Variants in HERC4 observed in about 807,000 individuals in gnomAD.
The protein encoded by HERC4 is probable E3 ubiquitin-protein ligase HERC4.
Under a neutral mutation model 124.3 loss-of-function variants are expected in HERC4, and 28 were observed. The ratio of observed to expected loss-of-function variants is 0.23; its 90% confidence interval spans 0.17 to 0.31. The LOEUF is 0.31. Ranked by LOEUF, HERC4 falls within the 10% of genes least tolerant of loss-of-function variation. The pLI is 1.00. For missense variants in HERC4, 713 were observed against 1,229.3 expected, an observed-to-expected ratio of 0.58 and a Z score of 6.28; for synonymous variants, 407 against 421.5, an observed-to-expected ratio of 0.97 and a Z score of 0.42.
intron 16 of HERC4, 154 bp downstream of exon 16, chr10:67,966,529 T>C (rs952274104): frequency 3.2e-6 from 2 of 619,480 alleles, no homozygotes; most frequent in African/African-American, 3.8e-5. Context: ...TTGTAAAATA[T>C]ATAGCACTCC....
rs766514516 is a variant in HERC4, at chr10:68,049,590, C to CAAAAAAAAAAAA, written c.227-5039_227-5028dup. Among the ~76,000 whole-genome samples, 5 of 42,610 alleles carry CAAAAAAAAAAAA rather than the reference C, an allele frequency of 1.2e-4. 1 individual carries two copies. The highest frequency in any genetic ancestry group is 3.5e-4 in the African/African-American group (3 of 8,524). 28.0% of individuals were successfully genotyped at this position (42,610 alleles called of 152,430 possible). A position where few individuals can be genotyped will look rare whatever the true frequency, so the allele number is the denominator to read the frequency against. The stretch of plus-strand genomic sequence containing the variant: ...TGGGTGACAGAGTGAGACACTGCCA[C>CAAAAAAAAAAAA]AAAAAAAAAAAAAAAAAAAAAAACA... On this transcript the variant is annotated intron_variant, in intron 3 of 24. Transcript: ENST00000373700.
chr10:67,956,987 A>C lies in HERC4; in HGVS notation c.1927-11T>G, dbSNP rs910115028. ...AGGGATATCTGCCAACTGGAAATAA[A>C]AAATTAACTTATTAGTACAAGTTGA... On this transcript the variant is annotated splice_polypyrimidine_tract_variant and intron_variant, in intron 16 of 24. Transcript: ENST00000373700. The C allele has an allele frequency of 6.7e-7, 1 of 1,494,854 alleles. No individual in the cohort carries two copies. Among genetic ancestry groups the C allele is most frequent in the African/African-American group, 1.4e-5 (1 of 71,120 alleles). The allele number at this position is 1,494,854 out of a possible 1,614,324, so 92.6% of individuals were successfully genotyped here. A position where few individuals can be genotyped will look rare whatever the true frequency, so the allele number is the denominator to read the frequency against.
At chr10:67,926,428 AAAAC>A (rs1564908902) in intron 23 of HERC4, among the ~76,000 whole-genome samples, 5 of 149,412 alleles carry the variant, frequency 3.3e-5, no homozygotes, top group African/African-American at 1.2e-4. Flanking sequence ...AAAAAAAAAA[AAAAC>A]AAAAAAATTA....
intron 19 of HERC4, among the ~76,000 whole-genome samples, chr10:67,952,117 C>T (rs1211720616): frequency 4.6e-5 from 7 of 152,126 alleles, no homozygotes; most frequent in African/African-American, 1.7e-4. Flanking sequence ...AATACAATTC[C>T]ACCGTCACAA....
intron 3 of HERC4, among the ~76,000 whole-genome samples, chr10:68,050,674 T>C (rs1040499747): frequency 6.6e-6 from 1 of 152,192 alleles, no homozygotes; most frequent in African/African-American, 2.4e-5. Context: ...TTTAAAAAGT[T>C]ATCTATTTTT....
intron 15 of HERC4, among the ~76,000 whole-genome samples, chr10:67,982,925 C>T (rs1275079574): frequency 1.3e-5 from 2 of 151,842 alleles, no homozygotes; most frequent in Non-Finnish European, 2.9e-5. Flanking sequence ...CTCAGGAGTT[C>T]AAGACCAGCC....
intron 16 of HERC4, among the ~76,000 whole-genome samples, chr10:67,957,323 A>C (rs2034204361): frequency 1.3e-5 from 2 of 152,224 alleles, no homozygotes. Context: ...CAATTCTTAC[A>C]TGTTAGGGCA....
intron 15 of HERC4, among the ~76,000 whole-genome samples, chr10:67,978,359 AGG>A (rs2035723676): frequency 6.6e-6 from 1 of 152,252 alleles, no homozygotes; most frequent in Non-Finnish European, 1.5e-5. Flanking sequence ...ACAGTGGCCA[AGG>A]GGAGGTCTGG....
chr10:67,957,321 A>T (rs1357972523), intron 16 of HERC4, among the ~76,000 whole-genome samples: 7 of 152,212 alleles, frequency 4.6e-5, no homozygotes, highest in Non-Finnish European at 4.4e-5. Flanking sequence ...GCCAATTCTT[A>T]CATGTTAGGG....
intron 9 of HERC4, among the ~76,000 whole-genome samples, chr10:68,007,056 A>G (rs772535133): frequency 1.3e-5 from 2 of 152,028 alleles, no homozygotes; most frequent in African/African-American, 2.4e-5. Context: ...TCTTTAAATA[A>G]ACTTTCTATC....
intron 6 of HERC4, among the ~76,000 whole-genome samples, 192 bp downstream of exon 6, chr10:68,033,773 A>G (rs995312393): frequency 6.6e-6 from 1 of 152,184 alleles, no homozygotes; most frequent in African/African-American, 2.4e-5. Context: ...TACTTTTTAT[A>G]GTTCTTTAAT....
chr10:67,963,610 T>C (rs2034663891), intron 16 of HERC4, among the ~76,000 whole-genome samples: 1 of 152,192 alleles, frequency 6.6e-6, no homozygotes, highest in African/African-American at 2.4e-5. Context: ...TATATATTTA[T>C]ATAATATGTA....
intron 3 of HERC4, among the ~76,000 whole-genome samples, chr10:68,045,137 A>G (rs993222330): frequency 2.0e-5 from 3 of 152,182 alleles, no homozygotes; most frequent in Admixed American, 6.5e-5. Flanking sequence ...CCTGGCCAAA[A>G]CGGTGAAACC....
chr10:68,074,870 C>CG (rs2041737240), intron 1 of HERC4: 1 of 152,942 alleles, frequency 6.5e-6, no homozygotes, highest in East Asian at 1.9e-4. Context: ...GCCGGGCCGG[C>CG]CTGCATCCGC....
chr10:68,037,984 A>G (rs989584240), intron 5 of HERC4, 109 bp downstream of exon 5: 2 of 644,798 alleles, frequency 3.1e-6, no homozygotes, highest in Admixed American at 3.5e-5. Flanking sequence ...AGGATCAAGA[A>G]CCAGGGCAAT....
chr10:67,965,303 T>G (rs1336015826), intron 16 of HERC4: 3 of 152,224 alleles, frequency 2.0e-5, no homozygotes, highest in African/African-American at 7.2e-5. Flanking sequence ...TTGCTTTGTT[T>G]GACTATTGCC....
chr10:67,980,833 T>C (rs1481933712), intron 15 of HERC4, among the ~76,000 whole-genome samples: 1 of 152,154 alleles, frequency 6.6e-6, no homozygotes, highest in African/African-American at 2.4e-5. Flanking sequence ...TTGTTATCAA[T>C]TTAAAATAAT....
At chr10:67,944,058 G>T (rs997812288) in intron 19 of HERC4, among the ~76,000 whole-genome samples, 2 of 152,206 alleles carry the variant, frequency 1.3e-5, no homozygotes, top group Non-Finnish European at 2.9e-5. Flanking sequence ...AGCTTCGCTG[G>T]CTTCACCACC....
intron 15 of HERC4, among the ~76,000 whole-genome samples, chr10:67,983,656 A>G (rs2036073165): frequency 6.6e-6 from 1 of 151,882 alleles, no homozygotes; most frequent in Non-Finnish European, 1.5e-5. Context: ...GTGTGATGGC[A>G]GGCGCCTGTG....
Sources: gnomAD v4.1 joint callset for allele counts (sites outside exome capture counted in the v4.1 genomes callset) on GRCh38, gnomAD v4.1.1 for gene constraint, MANE v1.5 for transcripts, NCBI Gene and HGNC (gene_info 2026-07-23, HGNC 2026-07-21) for gene names.